The following SSU72 variants were observed in gnomAD, a reference collection of about 807,000 sequenced individuals.
SSU72 encodes RNA polymerase II subunit A C-terminal domain phosphatase SSU72.
A neutral mutation model predicts 22.7 loss-of-function variants in SSU72; 12 were observed. The observed-to-expected ratio is 0.53, with a 90% CI of 0.34 to 0.86. The LOEUF (loss-of-function observed/expected upper bound fraction) is 0.86, where lower values mean the gene tolerates loss of function less well. SSU72 is among the 40% of genes least tolerant of loss of function. The pLI is 0.02. For missense variants in SSU72, 151 were observed against 249.8 expected (o/e 0.60, Z 2.67); for synonymous variants, 116 against 98.3 (o/e 1.18, Z -1.06).
At chr1:1,546,040 TCC>T (rs1414938847) in intron 2 of SSU72, 3 of 152,132 alleles carry the variant, frequency 2.0e-5, no homozygotes, top group Non-Finnish European at 4.4e-5. Flanking sequence ...TGGGGCATCC[TCC>T]CACCATCCAC....
intron 1 of SSU72, among the ~76,000 whole-genome samples, chr1:1,569,477 A>G (rs775692866): frequency 2.0e-5 from 3 of 152,144 alleles, no homozygotes; most frequent in Admixed American, 6.6e-5. Context: ...CTGATTTTCA[A>G]TAGGGTGAAA....
intron 2 of SSU72, chr1:1,563,664 C>T (rs1642623345): frequency 6.6e-6 from 1 of 152,122 alleles, no homozygotes; most frequent in African/African-American, 2.4e-5. Flanking sequence ...CCAGCCTGGC[C>T]AACATGGTGA....
At chr1:1,559,257 T>C (rs1642555812) in intron 2 of SSU72, among the ~76,000 whole-genome samples, 1 of 152,142 alleles carries the variant, frequency 6.6e-6, no homozygotes, top group Non-Finnish European at 1.5e-5. Flanking sequence ...GCAGCTAAAC[T>C]GGACGGTGTG....
At chr1:1,553,924 C>T (rs1218810322) in intron 2 of SSU72, among the ~76,000 whole-genome samples, 1 of 152,164 alleles carries the variant, frequency 6.6e-6, no homozygotes, top group African/African-American at 2.4e-5. Context: ...GGATAAAGAC[C>T]TCATCCAGAG....
At chr1:1,543,764 G>C in intron 4 of SSU72, 105 bp downstream of exon 4, 1 of 795,826 alleles carries the variant, frequency 1.3e-6, no homozygotes, top group Non-Finnish European at 1.9e-6. Flanking sequence ...TCACGGCCTC[G>C]GCCACCCCCT....
In SSU72 at chr1:1,574,604, T is replaced by A; in HGVS notation, c.-47A>T. Reference sequence around the variant, plus strand: ...GGCTCTCCCGCTTGGGTTCCCACCCTACCGCGGCGCTTCCGCGCGAACAAA... The same window carrying A: ...GGCTCTCCCGCTTGGGTTCCCACCCAACCGCGGCGCTTCCGCGCGAACAAA... On this transcript the variant is annotated 5_prime_UTR_variant, in exon 1 of 5. Transcript: ENST00000291386. 3.3e-6 allele frequency: 5 copies of A among 1,528,080 alleles called. No individual in the cohort carries two copies. The highest frequency in any genetic ancestry group is 4.4e-6 in the Non-Finnish European group (5 of 1,136,546). 94.7% of individuals were successfully genotyped at this position (1,528,080 alleles called of 1,614,324 possible).
intron 1 of SSU72, among the ~76,000 whole-genome samples, chr1:1,565,429 T>A (rs1642648106): frequency 1.3e-5 from 2 of 152,226 alleles, no homozygotes; most frequent in African/African-American, 4.8e-5. Context: ...CATCATAGCT[T>A]GTTTAAGGCT....
intron 2 of SSU72, among the ~76,000 whole-genome samples, chr1:1,560,052 T>C (rs1642568858): frequency 6.6e-6 from 1 of 152,170 alleles, no homozygotes; most frequent in Non-Finnish European, 1.5e-5. Context: ...AGACAGGGTT[T>C]TACCCTGTTG....
At position 1,541,942 on chromosome 1, in the gene SSU72, T is replaced by A. The variant is rs932641275; in HGVS notation, c.*124A>T. The A allele has an allele frequency of 1.2e-5, 10 of 857,284 alleles. No homozygotes were observed. The highest frequency in any genetic ancestry group is 2.2e-4 in the Middle Eastern group (1 of 4,464). 53.1% of individuals were successfully genotyped at this position (857,284 alleles called of 1,614,324 possible). On this transcript the variant is annotated 3_prime_UTR_variant, in exon 5 of 5. Coordinates refer to ENST00000291386, the MANE Select transcript of SSU72 (RefSeq NM_014188.3). ...TTGGCATCTCCTCTCCCATTTCATA[T>A]GCACAGTTTATTTGGGTAATGCTAC...
At chr1:1,548,852 G>A (rs1270046215) in intron 2 of SSU72, among the ~76,000 whole-genome samples, 4 of 152,228 alleles carry the variant, frequency 2.6e-5, no homozygotes, top group South Asian at 2.1e-4. Context: ...GAGGCCACCG[G>A]CCAGCATGAG....
intron 2 of SSU72, among the ~76,000 whole-genome samples, chr1:1,556,905 C>A: frequency 6.6e-6 from 1 of 152,244 alleles, no homozygotes; most frequent in East Asian, 1.9e-4. Flanking sequence ...CCAGCAACTA[C>A]CTCAGCCAGT....
chr1:1,543,949 G>A lies in SSU72; in HGVS notation c.403C>T (p.His135Tyr), dbSNP rs575151914. ...TCCTGGATGTCCACATTGACCACGTGCACAGGCTGGCAGGTCTCCTGTTCT... is the reference window on the plus strand; with the variant it reads ...TCCTGGATGTCCACATTGACCACGTACACAGGCTGGCAGGTCTCCTGTTCT... ...SREQETCQPVHVVNVDIQDNH... is the reference protein window; with the variant it reads ...SREQETCQPVYVVNVDIQDNH... Residue 135 changes from histidine (H) to tyrosine (Y), a missense_variant, in exon 4 of 5, where the codon CAC becomes TAC. By Grantham distance (83) the His-to-Tyr change is moderately conservative. Transcript: ENST00000291386. 3 of 1,614,014 alleles carry A rather than the reference G, an allele frequency of 1.9e-6. No homozygotes were observed. Among genetic ancestry groups the A allele is most frequent in the South Asian group, 1.1e-5 (1 of 91,084 alleles).
chr1:1,550,863 C>T (rs1024983183), intron 2 of SSU72, among the ~76,000 whole-genome samples: 1 of 152,210 alleles, frequency 6.6e-6, no homozygotes, highest in African/African-American at 2.4e-5. Context: ...ACCACACGCC[C>T]CTCCCTCCCT....
intron 2 of SSU72, among the ~76,000 whole-genome samples, chr1:1,550,878 G>A (rs761921367): frequency 2.0e-5 from 3 of 152,238 alleles, no homozygotes; most frequent in Middle Eastern, 3.4e-3. Flanking sequence ...CTCCCTGCTG[G>A]GCCTGGGAGG....
intron 2 of SSU72, among the ~76,000 whole-genome samples, chr1:1,560,104 T>C (rs1297316631): frequency 1.3e-5 from 2 of 152,206 alleles, no homozygotes; most frequent in African/African-American, 4.8e-5. Context: ...TCCACCTGCC[T>C]CGGTCTCCCA....
At chr1:1,573,964 T>A (rs976556076) in intron 1 of SSU72, among the ~76,000 whole-genome samples, 54 of 151,338 alleles carry the variant, frequency 3.6e-4, no homozygotes, top group African/African-American at 1.3e-3. Context: ...CAAGTCCACG[T>A]TGTATTCCAG....
intron 1 of SSU72, among the ~76,000 whole-genome samples, chr1:1,567,870 G>A (rs1011609315): frequency 6.5e-5 from 9 of 137,478 alleles, no homozygotes; most frequent in Middle Eastern, 4.2e-3. Context: ...CCGAGATCGC[G>A]CCATTGCACT....
intron 2 of SSU72, among the ~76,000 whole-genome samples, chr1:1,552,438 G>C (rs891263267): frequency 1.3e-5 from 2 of 152,176 alleles, no homozygotes; most frequent in Admixed American, 6.6e-5. Flanking sequence ...TCGATTTTAG[G>C]GCCTCCTGAC....
intron 2 of SSU72, among the ~76,000 whole-genome samples, chr1:1,560,473 A>C (rs545297482): frequency 1.2e-4 from 18 of 152,062 alleles, no homozygotes; most frequent in Admixed American, 7.9e-4. Flanking sequence ...CTGCAAACCT[A>C]GACTCGTACC....
Sources: allele counts gnomAD v4.1 joint callset (sites outside exome capture counted in the v4.1 genomes callset), GRCh38; gene constraint gnomAD v4.1.1; transcripts MANE v1.5; gene names NCBI Gene and HGNC (gene_info 2026-07-23, HGNC 2026-07-21).